The following GAK variants were observed in gnomAD, a reference collection of about 807,000 sequenced individuals.
The protein encoded by GAK is cyclin G associated kinase, also known as cyclin-G-associated kinase.
In GAK, 79 loss-of-function variants were observed where a neutral mutation model predicts 143.9. The ratio of observed to expected loss-of-function variants is 0.55; its 90% CI spans 0.46 to 0.66. GAK has a LOEUF of 0.66. Ranked by LOEUF, GAK falls within the 30% of genes least tolerant of loss-of-function variation. The pLI is 0.00. For synonymous variants in GAK, 881 were observed against 765.5 expected, an observed-to-expected ratio of 1.15 and a Z score of -2.49; for missense variants, 1,693 against 1,779.7, an observed-to-expected ratio of 0.95 and a Z score of 0.88.
chr4:901,210 T>A (rs1224890092), intron 5 of GAK, among the ~76,000 whole-genome samples: 1 of 152,178 alleles, frequency 6.6e-6, no homozygotes, highest in Non-Finnish European at 1.5e-5. Flanking sequence ...AATGAGCCTG[T>A]GCAGTTAAGA....
intron 19 of GAK, chr4:869,603 CAT>C (rs1479504091): frequency 0.012 from 903 of 73,812 alleles, 173 homozygotes; most frequent in Middle Eastern, 0.087. Flanking sequence ...ACACACAGCA[CAT>C]ACACACATGC....
chr4:883,254 C>A, intron 13 of GAK, 61 bp downstream of exon 13: 1 of 1,586,362 alleles, frequency 6.3e-7, no homozygotes, highest in Non-Finnish European at 8.6e-7. Flanking sequence ...CAGCTATGCC[C>A]CTGCACTGGA....
chr4:867,278 G>A lies in GAK; in HGVS notation c.2550C>T (p.Pro850=), dbSNP rs756887055. The A allele has an allele frequency of 1.7e-5, 27 of 1,612,494 alleles. No homozygotes were observed. Among genetic ancestry groups the A allele is most frequent in the Admixed American group, 6.7e-5 (4 of 59,882 alleles). ...GQEPRADPEP[P]GLAAGLVQQD... is the part of the protein sequence containing the mutation. Reference sequence around the variant, plus strand: ...GCTGCACCAGCCCTGCTGCCAGGCCGGGGGGCTCTGGGTCGGCCCTGGGTT... The same window carrying A: ...GCTGCACCAGCCCTGCTGCCAGGCCAGGGGGCTCTGGGTCGGCCCTGGGTT... The change falls in exon 21 of 28, where the codon CCC becomes CCT. Residue 850 remains proline, a synonymous_variant. Transcript: ENST00000314167.
chr4:927,010 G>A (rs1198295152), intron 1 of GAK, among the ~76,000 whole-genome samples: 5 of 34,408 alleles, frequency 1.5e-4, no homozygotes, highest in Admixed American at 2.6e-4. Context: ...GCTCACCAGC[G>A]CTCCGCACTG....
chr4:857,544 G>A (rs1479310893), intron 24 of GAK, among the ~76,000 whole-genome samples: 2 of 152,202 alleles, frequency 1.3e-5, no homozygotes, highest in Admixed American at 1.3e-4. Flanking sequence ...GCAGGAACTG[G>A]TTTTGAGGAA....
chr4:881,619 C>T (rs1045069461), intron 15 of GAK, among the ~76,000 whole-genome samples: 5 of 152,152 alleles, frequency 3.3e-5, no homozygotes, highest in Non-Finnish European at 7.4e-5. Flanking sequence ...GCATTATCCA[C>T]CAGAGCCCAC....
chr4:909,517 C>T (rs537607502), intron 4 of GAK, among the ~76,000 whole-genome samples: 3 of 152,106 alleles, frequency 2.0e-5, no homozygotes, highest in Admixed American at 1.3e-4. Context: ...CGGGAGGGGC[C>T]GGGAGCGGCG....
Position 896,441 on chromosome 4 carries a change from G to T in GAK, c.741+19C>A. 2 of 1,607,224 alleles carry T rather than the reference G, an allele frequency of 1.2e-6. No homozygotes were observed. Among genetic ancestry groups the T allele is most frequent in the Non-Finnish European group, 1.7e-6 (2 of 1,174,370 alleles). ...GCGCACGGAGCCAGGCACTGCCACT[G>T]AGAGGCGCCAGACCTCACCCAGATA... On this transcript the variant is annotated intron_variant, in intron 7 of 27. Coordinates refer to ENST00000314167, the MANE Select transcript of GAK (RefSeq NM_005255.4).
chr4:851,310 G>T (rs1748099941), intron 25 of GAK: 1 of 456,142 alleles, frequency 2.2e-6, no homozygotes, highest in South Asian at 2.4e-5. Flanking sequence ...TGCCCAAGCT[G>T]GTCTTGAACT....
intron 18 of GAK, among the ~76,000 whole-genome samples, chr4:871,152 C>T (rs920481072): frequency 6.6e-5 from 10 of 152,280 alleles, no homozygotes; most frequent in African/African-American, 2.4e-4. Flanking sequence ...ATTTCACTCG[C>T]TCCTCGGACG....
intron 9 of GAK, among the ~76,000 whole-genome samples, chr4:892,045 G>C (rs1003122059): frequency 6.6e-6 from 1 of 152,152 alleles, no homozygotes; most frequent in Non-Finnish European, 1.5e-5. Context: ...GCACTTCCCT[G>C]CTCCCAGGTC....
At chr4:882,451 C>T (rs1271869657) in intron 14 of GAK, among the ~76,000 whole-genome samples, 1 of 152,134 alleles carries the variant, frequency 6.6e-6, no homozygotes, top group Non-Finnish European at 1.5e-5. Flanking sequence ...GCTCCCCACA[C>T]AGCGGAGTGG....
Position 904,684 on chromosome 4 carries a change from G to T in GAK, c.478C>A (p.Gln160Lys). The part of the protein sequence containing the change: ...KIFYQTCRAV[Q>K]HMHRQKPPII... Reference sequence around the variant, plus strand: ...GGCGGCTTCTGCCGGTGCATGTGCTGCACGGCGCGGCACGTCTGGTAGAAG... The same window carrying T: ...GGCGGCTTCTGCCGGTGCATGTGCTTCACGGCGCGGCACGTCTGGTAGAAG... The change falls in exon 5 of 28, where the codon CAG becomes AAG. Residue 160 changes from glutamine (Q) to lysine (K), a missense_variant. Physicochemically the swap from Gln to Lys is moderately conservative, Grantham distance 53. Coordinates refer to ENST00000314167, the MANE Select transcript of GAK (RefSeq NM_005255.4). The T allele has an allele frequency of 1.2e-6, 2 of 1,612,694 alleles. No individual in the cohort carries two copies.
intron 11 of GAK, chr4:884,470 G>C (rs114356121): frequency 0.015 from 3,403 of 233,522 alleles, 124 homozygotes; most frequent in African/African-American, 0.072. Context: ...TTGGACGATG[G>C]TCACGGGTCA....
At chr4:871,910 C>G (rs1272965144) in intron 18 of GAK, among the ~76,000 whole-genome samples, 1 of 152,176 alleles carries the variant, frequency 6.6e-6, no homozygotes, top group East Asian at 1.9e-4. Context: ...GCTCCCCATG[C>G]CTGTCTTATT....
chr4:860,654 C>T (rs538446667), intron 23 of GAK, among the ~76,000 whole-genome samples: 8 of 152,228 alleles, frequency 5.3e-5, no homozygotes, highest in African/African-American at 1.2e-4. Flanking sequence ...CGTCCTGAAG[C>T]GCACTTGAGG....
At chr4:899,297 A>G (rs1719402062) in intron 5 of GAK, among the ~76,000 whole-genome samples, 1 of 152,360 alleles carries the variant, frequency 6.6e-6, no homozygotes, top group South Asian at 2.1e-4. Context: ...GACAGCACAG[A>G]CGTGGCAGGA....
chr4:916,927 G>A (rs540783011), intron 1 of GAK, among the ~76,000 whole-genome samples: 14 of 152,308 alleles, frequency 9.2e-5, no homozygotes, highest in African/African-American at 2.9e-4. Flanking sequence ...AAAAATGGAA[G>A]CAACCCAAAT....
chr4:849,832 G>GGGGC, intron 27 of GAK, 58 bp from the exon 28 acceptor site: 1 of 1,256,602 alleles, frequency 8.0e-7, no homozygotes, highest in Non-Finnish European at 1.1e-6. Flanking sequence ...GGGCGGGGCA[G>GGGGC]GACCCCCCCC....
Sources: allele counts gnomAD v4.1 joint callset (sites outside exome capture counted in the v4.1 genomes callset), GRCh38; gene constraint gnomAD v4.1.1; transcripts MANE v1.5; gene names NCBI Gene and HGNC (gene_info 2026-07-23, HGNC 2026-07-21).